The following PHACTR1 variants were observed in gnomAD, a reference collection of about 807,000 sequenced individuals.
PHACTR1 encodes RPEL repeat containing 1.
A neutral mutation model predicts 69.2 loss-of-function variants in PHACTR1; 16 were observed. The observed-to-expected ratio is 0.23, with a 90% CI of 0.16 to 0.35. The LOEUF is 0.35. Ranked by LOEUF, PHACTR1 falls within the 10% of genes least tolerant of loss-of-function variation. The pLI is 1.00. For synonymous variants in PHACTR1, 312 were observed against 284.5 expected (o/e 1.10, Z -0.97); for missense variants, 510 against 734.7 (o/e 0.69, Z 3.54).
chr6:13,011,712 G>A (rs35684248), intron 4 of PHACTR1, among the ~76,000 whole-genome samples: 24,572 of 152,206 alleles, frequency 0.16, 2,138 homozygotes, highest in Middle Eastern at 0.21. Context: ...GGCGGAAAAG[G>A]CATGCAATTT....
chr6:13,160,374 A>G (rs907695152), intron 6 of PHACTR1, 90 bp downstream of exon 6: 9 of 1,096,040 alleles, frequency 8.2e-6, no homozygotes, highest in Non-Finnish European at 1.3e-5. Flanking sequence ...CATTTTCTGC[A>G]TCACCAGATA....
intron 4 of PHACTR1, among the ~76,000 whole-genome samples, chr6:12,857,378 G>A (rs533338711): frequency 6.6e-5 from 10 of 151,208 alleles, no homozygotes; most frequent in African/African-American, 9.7e-5. Flanking sequence ...GTGGGAGGCC[G>A]AGGCCAGAGG....
chr6:13,134,795 T>TAAAAAAAAAAAAA (rs35318262), intron 5 of PHACTR1, among the ~76,000 whole-genome samples: 1 of 111,364 alleles, frequency 9.0e-6, no homozygotes, highest in South Asian at 3.5e-4. Context: ...CAATAAATAC[T>TAAAAAAAAAAAAA]AAAAAAAAAA....
At chr6:13,204,847 A>G (rs1765683832) in intron 7 of PHACTR1, among the ~76,000 whole-genome samples, 2 of 152,202 alleles carry the variant, frequency 1.3e-5, no homozygotes, top group Admixed American at 6.5e-5. Flanking sequence ...GCAGCAGTAA[A>G]GGCACTTGCA....
intron 4 of PHACTR1, among the ~76,000 whole-genome samples, chr6:12,908,997 T>C (rs1571998): frequency 0.98 from 148,591 of 152,218 alleles, 72,624 homozygotes; most frequent in Non-Finnish European, 1. Context: ...GAGGAGACGG[T>C]GGGGGGAAAC....
At chr6:13,022,679 A>AC (rs1488574830) in intron 4 of PHACTR1, among the ~76,000 whole-genome samples, 49 of 151,944 alleles carry the variant, frequency 3.2e-4, no homozygotes, top group African/African-American at 1.1e-3. Context: ...AAAAAAAAAA[A>AC]AACTTTGCCA....
intron 10 of PHACTR1, among the ~76,000 whole-genome samples, chr6:13,263,995 T>C (rs556011024): frequency 1.3e-5 from 2 of 152,342 alleles, no homozygotes; most frequent in South Asian, 4.1e-4. Context: ...CCCGAAAATT[T>C]TGATGACTAG....
At chr6:12,841,212 T>A (rs1778668009) in intron 4 of PHACTR1, among the ~76,000 whole-genome samples, 1 of 152,190 alleles carries the variant, frequency 6.6e-6, no homozygotes, top group Non-Finnish European at 1.5e-5. Context: ...AAATGACACA[T>A]CCAAGGTCAC....
intron 4 of PHACTR1, among the ~76,000 whole-genome samples, chr6:12,886,959 G>T (rs751391038): frequency 1.3e-5 from 2 of 152,126 alleles, no homozygotes; most frequent in Non-Finnish European, 2.9e-5. Flanking sequence ...GAAGGTGGTG[G>T]TCGGTTTCAG....
At chr6:12,725,928 ATACATT>A (rs1762733654) in intron 3 of PHACTR1, among the ~76,000 whole-genome samples, 1 of 152,180 alleles carries the variant, frequency 6.6e-6, no homozygotes, top group Non-Finnish European at 1.5e-5. Context: ...TAGTATAAAG[ATACATT>A]TTAGACTCCA....
intron 8 of PHACTR1, among the ~76,000 whole-genome samples, chr6:13,217,514 T>C (rs1437565947): frequency 6.6e-6 from 1 of 152,202 alleles, no homozygotes; most frequent in Non-Finnish European, 1.5e-5. Flanking sequence ...CTTATGGTTT[T>C]GTTCATCACA....
At chr6:13,282,991 T>C (rs1349048046) in intron 12 of PHACTR1, among the ~76,000 whole-genome samples, 1 of 152,192 alleles carries the variant, frequency 6.6e-6, no homozygotes, top group Non-Finnish European at 1.5e-5. Flanking sequence ...TACTGAAATA[T>C]ACACAGATAA....
At chr6:12,937,465 C>T (rs1025367187) in intron 4 of PHACTR1, among the ~76,000 whole-genome samples, 3 of 152,092 alleles carry the variant, frequency 2.0e-5, no homozygotes, top group Non-Finnish European at 4.4e-5. Context: ...TCTCCTGCCT[C>T]TGATTGAGTG....
Position 13,166,468 on chromosome 6 carries a change from T to C in PHACTR1, c.496+6184T>C, listed in dbSNP as rs963813771. 2.0e-5 allele frequency among the ~76,000 whole-genome samples: 3 copies of C among 152,286 alleles called. No individual in the cohort carries two copies. In the East Asian group the frequency reaches 5.8e-4, roughly 29 times the overall value. On this transcript the variant is annotated intron_variant, in intron 6 of 14. Coordinates refer to ENST00000332995, the MANE Select transcript of PHACTR1 (RefSeq NM_030948.6). Reference sequence around the variant, plus strand: ...TGGGACAAAATTGATGTTCAGCAAATGCGAATAGAAAGCAATGAATGCAGG... The same window carrying C: ...TGGGACAAAATTGATGTTCAGCAAACGCGAATAGAAAGCAATGAATGCAGG...
Position 13,283,649 on chromosome 6 carries a change from C to T in PHACTR1, c.1650+87C>T. The T allele has an allele frequency of 6.3e-7, 1 of 1,598,760 alleles. No individual in the cohort carries two copies. Reference sequence around the variant, plus strand: ...CACCGCTGGGGAGCGTGTAGGGAGACCTGCAGCCAGGCCTCAGCCGCAGTC... The same window carrying T: ...CACCGCTGGGGAGCGTGTAGGGAGATCTGCAGCCAGGCCTCAGCCGCAGTC... On this transcript the variant is annotated intron_variant, in intron 13 of 14. Transcript: ENST00000332995. The surrounding 1 kb of genome is among the most constrained non-coding windows in gnomAD (Gnocchi z 4.7).
rs531749794 is a variant in PHACTR1, at chr6:12,810,606, T to G, written c.250+60816T>G. Among the ~76,000 whole-genome samples the G allele has an allele frequency of 6.6e-5, 10 of 152,270 alleles. No individual in the cohort carries two copies. The South Asian group carries it at 2.1e-3, about 32-fold the overall frequency. On this transcript the variant is annotated intron_variant, in intron 4 of 14. Transcript: ENST00000332995. ...TGCAGGACAGGGAGGCTGCTCCACC[T>G]GCCAGAAAGTGACAACAAAGGCTCA...
intron 5 of PHACTR1, among the ~76,000 whole-genome samples, chr6:13,152,853 G>A (rs147029477): frequency 2.0e-3 from 310 of 152,304 alleles, no homozygotes; most frequent in African/African-American, 7.1e-3. Context: ...GAAAATGTGG[G>A]CGTGAGCCTT....
At chr6:12,799,687 G>A (rs572217176) in intron 4 of PHACTR1, among the ~76,000 whole-genome samples, 13 of 152,288 alleles carry the variant, frequency 8.5e-5, no homozygotes, top group African/African-American at 2.9e-4. Context: ...GTCTGGCCAA[G>A]CTGTACAGCC....
At chr6:13,231,429 AAG>A (rs770511854) in intron 10 of PHACTR1, among the ~76,000 whole-genome samples, 12 of 89,886 alleles carry the variant, frequency 1.3e-4, no homozygotes, top group Non-Finnish European at 2.9e-4. Flanking sequence ...GAGAGAGCGA[AAG>A]AGAAGGAGGG....
Sources: allele counts gnomAD v4.1 joint callset (sites outside exome capture counted in the v4.1 genomes callset), GRCh38; gene constraint gnomAD v4.1.1; non-coding constraint Gnocchi (gnomAD v3.1); transcripts MANE v1.5; gene names NCBI Gene and HGNC (gene_info 2026-07-23, HGNC 2026-07-21).